The following JAZF1 variants were observed in gnomAD, a reference collection of about 807,000 sequenced individuals.
JAZF1 encodes the protein juxtaposed with another zinc finger protein 1.
JAZF1 carries 8 observed loss-of-function variants against 26.4 expected under a neutral mutation model. The observed-to-expected ratio is 0.30, with a 90% CI of 0.18 to 0.55. The LOEUF is 0.55. Among genes scored for constraint, JAZF1 ranks in the 20% least tolerant of loss-of-function variants. JAZF1 has a pLI of 0.94. For missense variants in JAZF1, 199 were observed against 322.0 expected (o/e 0.62, Z 2.92); for synonymous variants, 126 against 122.3 (o/e 1.03, Z -0.20).
At chr7:27,904,946 CTTTTT>C (rs879387128) in intron 2 of JAZF1, among the ~76,000 whole-genome samples, 3 of 152,050 alleles carry the variant, frequency 2.0e-5, no homozygotes, top group Admixed American at 6.6e-5. Flanking sequence ...CTCTCCTTTT[CTTTTT>C]AAGACAGGGT....
intron 3 of JAZF1, among the ~76,000 whole-genome samples, chr7:27,892,055 G>A (rs907940155): frequency 2.0e-5 from 3 of 152,188 alleles, no homozygotes; most frequent in African/African-American, 4.8e-5. Context: ...AATTTAAGGG[G>A]TAGAAATGTG....
At chr7:28,091,358 G>A (rs1021822670) in intron 1 of JAZF1, among the ~76,000 whole-genome samples, 2 of 151,664 alleles carry the variant, frequency 1.3e-5, no homozygotes, top group Non-Finnish European at 2.9e-5. Flanking sequence ...TAAAACCACA[G>A]TTGTTAAACT....
intron 3 of JAZF1, among the ~76,000 whole-genome samples, chr7:27,865,834 T>C (rs1425721269): frequency 6.6e-6 from 1 of 152,208 alleles, no homozygotes; most frequent in Non-Finnish European, 1.5e-5. Flanking sequence ...ATGGACAGTA[T>C]GCAGAAGATT....
intron 1 of JAZF1, among the ~76,000 whole-genome samples, chr7:28,019,076 A>T (rs1343998778): frequency 6.6e-6 from 1 of 152,156 alleles, no homozygotes; most frequent in African/African-American, 2.4e-5. Flanking sequence ...ATGTTCAGTC[A>T]TCCTTGTGGC....
At chr7:28,169,457 C>T (rs903998578) in intron 1 of JAZF1, among the ~76,000 whole-genome samples, 1 of 152,214 alleles carries the variant, frequency 6.6e-6, no homozygotes, top group African/African-American at 2.4e-5. Context: ...TAAACTATCT[C>T]TAAGTTACAG....
intron 2 of JAZF1, among the ~76,000 whole-genome samples, chr7:27,906,823 C>T (rs1784266316): frequency 6.6e-6 from 1 of 152,194 alleles, no homozygotes; most frequent in African/African-American, 2.4e-5. Context: ...ATTTCTTACA[C>T]ATGGTTTTCA....
chr7:28,097,198 C>T (rs1480526660), intron 1 of JAZF1, among the ~76,000 whole-genome samples: 1 of 152,168 alleles, frequency 6.6e-6, no homozygotes. Context: ...GAAATCTTGG[C>T]TCCCACCACT....
chr7:28,000,608 TTC>T (rs1786129279), intron 1 of JAZF1, among the ~76,000 whole-genome samples: 1 of 135,730 alleles, frequency 7.4e-6, no homozygotes, highest in African/African-American at 3.2e-5. Context: ...TTTTCTTTCT[TTC>T]TTTCTTTCTT....
At chr7:28,149,197 A>G (rs907942997) in intron 1 of JAZF1, among the ~76,000 whole-genome samples, 14 of 152,068 alleles carry the variant, frequency 9.2e-5, no homozygotes, top group African/African-American at 3.4e-4. Flanking sequence ...TCCTCTCCTC[A>G]AGCAGCCCAA....
At chr7:27,881,136 A>T (rs925273663) in intron 3 of JAZF1, among the ~76,000 whole-genome samples, 1 of 152,184 alleles carries the variant, frequency 6.6e-6, no homozygotes, top group East Asian at 1.9e-4. Flanking sequence ...CAGTTACTTC[A>T]TAATTTTATG....
intron 1 of JAZF1, among the ~76,000 whole-genome samples, chr7:28,154,738 T>G (rs757520222): frequency 6.6e-6 from 1 of 152,060 alleles, no homozygotes; most frequent in Non-Finnish European, 1.5e-5. Context: ...TTTTATTAAT[T>G]ATGGTACTTA....
At chr7:28,018,612 T>C (rs2128372224) in intron 1 of JAZF1, among the ~76,000 whole-genome samples, 1 of 152,290 alleles carries the variant, frequency 6.6e-6, no homozygotes, top group African/African-American at 2.4e-5. Context: ...AACCCATTAT[T>C]ACAACTAACA....
At chr7:28,172,594 A>C (rs1001660567) in intron 1 of JAZF1, among the ~76,000 whole-genome samples, 2 of 152,216 alleles carry the variant, frequency 1.3e-5, no homozygotes, top group Non-Finnish European at 2.9e-5. Context: ...TACTGACTAC[A>C]CTTAGATAAG....
chr7:28,045,983 A>G (rs1314059097), intron 1 of JAZF1, among the ~76,000 whole-genome samples: 4 of 152,252 alleles, frequency 2.6e-5, no homozygotes, highest in Non-Finnish European at 5.9e-5. Context: ...AAAGCCATAT[A>G]GAAGTGTAAA....
chr7:28,135,078 G>A (rs1313206916), intron 1 of JAZF1, among the ~76,000 whole-genome samples: 3 of 152,182 alleles, frequency 2.0e-5, no homozygotes, highest in Non-Finnish European at 4.4e-5. Flanking sequence ...TTGTAGGGAA[G>A]CTATATTTTC....
At chr7:28,046,548 A>G (rs566317186) in intron 1 of JAZF1, among the ~76,000 whole-genome samples, 3 of 152,200 alleles carry the variant, frequency 2.0e-5, no homozygotes, top group Non-Finnish European at 2.9e-5. Context: ...CAAAAATAGT[A>G]TGGTTTAAGT....
At chr7:27,943,401 C>T (rs374782620) in intron 2 of JAZF1, among the ~76,000 whole-genome samples, 5 of 150,190 alleles carry the variant, frequency 3.3e-5, no homozygotes, top group African/African-American at 5.0e-5. Flanking sequence ...AGCTGGAGGC[C>T]GCGCACTGGA....
intron 1 of JAZF1, among the ~76,000 whole-genome samples, chr7:28,150,496 A>G (rs1170306501): frequency 6.6e-6 from 1 of 152,270 alleles, no homozygotes; most frequent in Admixed American, 6.5e-5. Flanking sequence ...TAAAGGCCAC[A>G]AATGCCGCCG....
chr7:28,091,120 C>A (rs1020793023), intron 1 of JAZF1, among the ~76,000 whole-genome samples: 1 of 151,974 alleles, frequency 6.6e-6, no homozygotes, highest in African/African-American at 2.4e-5. Context: ...GCCACCGCGC[C>A]CGGCCTTTTT....
Sources: allele counts gnomAD v4.1 joint callset (sites outside exome capture counted in the v4.1 genomes callset), GRCh38; gene constraint gnomAD v4.1.1; transcripts MANE v1.5; gene names NCBI Gene and HGNC (gene_info 2026-07-23, HGNC 2026-07-21).